Variants in NAALADL2 observed in about 807,000 individuals in gnomAD.
The protein encoded by NAALADL2 is inactive N-acetylated-alpha-linked acidic dipeptidase-like protein 2.
NAALADL2 carries 76 observed loss-of-function variants against 87.2 expected under a neutral mutation model. That is an observed-to-expected ratio of 0.87 (90% CI 0.72 to 1.05). The LOEUF is 1.05. NAALADL2 is among the 50% of genes least tolerant of loss of function. NAALADL2 has a pLI of 0.00. For missense variants in NAALADL2, 1,089 were observed against 945.8 expected, an observed-to-expected ratio of 1.15 and a Z score of -1.99; for synonymous variants, 354 against 331.0, an observed-to-expected ratio of 1.07 and a Z score of -0.75.
At chr3:175,115,657 C>T (rs546903701) in intron 2 of NAALADL2, among the ~76,000 whole-genome samples, 1 of 151,782 alleles carries the variant, frequency 6.6e-6, no homozygotes, top group East Asian at 1.9e-4. Context: ...GTGAAACTCT[C>T]AAGGCCATTA....
At chr3:175,232,130 GGGAAGA>G (rs557610533) in intron 2 of NAALADL2, among the ~76,000 whole-genome samples, 153 of 151,576 alleles carry the variant, frequency 1.0e-3, no homozygotes, top group South Asian at 7.9e-3. Flanking sequence ...GAAGGAGAAG[GGGAAGA>G]GGAAGAGGAA....
chr3:174,544,806 T>G (rs1445860113), intron 1 of NAALADL2, among the ~76,000 whole-genome samples: 1 of 151,960 alleles, frequency 6.6e-6, no homozygotes, highest in East Asian at 1.9e-4. Context: ...CCTGACATTC[T>G]TATCTGCCTG....
chr3:174,477,014 T>C (rs1717255700), intron 1 of NAALADL2, among the ~76,000 whole-genome samples: 1 of 151,858 alleles, frequency 6.6e-6, no homozygotes, highest in Admixed American at 6.6e-5. Flanking sequence ...TAATTACTAT[T>C]AAAATCTATG....
At chr3:175,592,109 C>G (rs1188583469) in intron 10 of NAALADL2, among the ~76,000 whole-genome samples, 2 of 151,898 alleles carry the variant, frequency 1.3e-5, no homozygotes, top group African/African-American at 4.8e-5. Flanking sequence ...CTAAAATCAT[C>G]CGTTGATTGG....
intron 11 of NAALADL2, among the ~76,000 whole-genome samples, chr3:175,652,011 C>T (rs933304571): frequency 1.6e-4 from 24 of 152,110 alleles, no homozygotes; most frequent in African/African-American, 5.8e-4. Context: ...TATTAAAGTG[C>T]GTGGTACACG....
At chr3:175,732,992 A>G (rs1461080730) in intron 11 of NAALADL2, among the ~76,000 whole-genome samples, 1 of 152,136 alleles carries the variant, frequency 6.6e-6, no homozygotes, top group African/African-American at 2.4e-5. Context: ...GGTAAGTGCA[A>G]CAAACCACCA....
intron 13 of NAALADL2, among the ~76,000 whole-genome samples, chr3:175,785,482 C>A (rs1452151703): frequency 8.0e-6 from 1 of 125,126 alleles, no homozygotes; most frequent in Non-Finnish European, 1.6e-5. Flanking sequence ...CTCTTTTGAT[C>A]TTTGTTGGTT....
chr3:175,512,738 C>G (rs943684532), intron 9 of NAALADL2, among the ~76,000 whole-genome samples: 2 of 152,154 alleles, frequency 1.3e-5, no homozygotes, highest in African/African-American at 4.8e-5. Flanking sequence ...GAGATATTAT[C>G]TGCTGTCACT....
intron 5 of NAALADL2, among the ~76,000 whole-genome samples, chr3:175,420,760 A>G (rs1237869313): frequency 1.3e-5 from 2 of 152,018 alleles, no homozygotes; most frequent in Non-Finnish European, 2.9e-5. Flanking sequence ...ATTCCTTTAG[A>G]TTTTATTATT....
At chr3:175,737,161 G>C (rs1561060464) in intron 11 of NAALADL2, 145 bp from the exon 12 acceptor site, 2 of 546,822 alleles carry the variant, frequency 3.7e-6, no homozygotes, top group Non-Finnish European at 6.3e-6. Flanking sequence ...AGATTTAAAA[G>C]AAAAAGAGAT....
intron 2 of NAALADL2, among the ~76,000 whole-genome samples, chr3:174,632,527 G>A (rs1053771081): frequency 6.6e-6 from 1 of 152,102 alleles, no homozygotes; most frequent in African/African-American, 2.4e-5. Flanking sequence ...TAAGTATGTT[G>A]ATAAGGAAAA....
At chr3:175,612,592 C>T (rs1232879796) in intron 10 of NAALADL2, among the ~76,000 whole-genome samples, 1 of 152,134 alleles carries the variant, frequency 6.6e-6, no homozygotes, top group Non-Finnish European at 1.5e-5. Flanking sequence ...TCCCCCATTT[C>T]TTTCAGAGTT....
intron 3 of NAALADL2, among the ~76,000 whole-genome samples, chr3:174,759,780 A>C (rs1244230289): frequency 6.6e-6 from 1 of 151,470 alleles, no homozygotes; most frequent in Admixed American, 6.6e-5. Context: ...GGCTCCCTGC[A>C]ACCTCCAACT....
chr3:175,587,823 T>A (rs1422314059), intron 10 of NAALADL2, among the ~76,000 whole-genome samples: 1 of 152,134 alleles, frequency 6.6e-6, no homozygotes, highest in Non-Finnish European at 1.5e-5. Flanking sequence ...TAAGCACAGT[T>A]CATAACCCAC....
chr3:175,023,921 T>C (rs115031718), intron 1 of NAALADL2, among the ~76,000 whole-genome samples: 374 of 152,172 alleles, frequency 2.5e-3, no homozygotes, highest in African/African-American at 8.3e-3. Flanking sequence ...AGATATATAA[T>C]GGTTACTTTG....
At chr3:175,156,919 A>C (rs9860857) in intron 2 of NAALADL2, among the ~76,000 whole-genome samples, 26,761 of 152,040 alleles carry the variant, frequency 0.18, 2,962 homozygotes, top group African/African-American at 0.31. Flanking sequence ...GTCAGGTCGA[A>C]CATATTGTCT....
chr3:175,272,622 TATA>T (rs1269230813), intron 4 of NAALADL2, among the ~76,000 whole-genome samples: 1 of 152,188 alleles, frequency 6.6e-6, no homozygotes, highest in Non-Finnish European at 1.5e-5. Context: ...TCACTTATGC[TATA>T]ATATGTCACC....
chr3:175,527,617 C>G (rs1019590855), intron 9 of NAALADL2, among the ~76,000 whole-genome samples: 5 of 152,018 alleles, frequency 3.3e-5, no homozygotes, highest in African/African-American at 1.2e-4. Context: ...TTAACATCCC[C>G]CTCACAATAT....
intron 2 of NAALADL2, among the ~76,000 whole-genome samples, chr3:175,147,665 C>G (rs1730941145): frequency 1.3e-5 from 2 of 152,166 alleles, no homozygotes; most frequent in Admixed American, 1.3e-4. Context: ...GAGAAATCTT[C>G]AAACTGCTTT....
Sources: allele counts gnomAD v4.1 joint callset (sites outside exome capture counted in the v4.1 genomes callset), GRCh38; gene constraint gnomAD v4.1.1; transcripts MANE v1.5; gene names NCBI Gene and HGNC (gene_info 2026-07-23, HGNC 2026-07-21).